The following TCF25 variants were observed in gnomAD, a reference collection of about 807,000 sequenced individuals.
TCF25 encodes the protein TCF25 ribosome quality control complex subunit, also known as ribosome quality control complex subunit TCF25.
TCF25 carries 41 observed loss-of-function variants against 83.1 expected under a neutral mutation model. The observed-to-expected ratio is 0.49, with a 90% CI of 0.38 to 0.64. The LOEUF is 0.64. Ranked by LOEUF, TCF25 falls within the 30% of genes least tolerant of loss-of-function variation. The pLI is 0.00. For synonymous variants in TCF25, 458 were observed against 365.0 expected, an observed-to-expected ratio of 1.25 and a Z score of -2.90; for missense variants, 979 against 914.5, an observed-to-expected ratio of 1.07 and a Z score of -0.91.
chr16:89,905,506 C>G (rs1402654565), intron 14 of TCF25, among the ~76,000 whole-genome samples: 1 of 152,250 alleles, frequency 6.6e-6, no homozygotes, highest in Non-Finnish European at 1.5e-5. Context: ...CTGCAACTGA[C>G]AGGCATCCCC....
At chr16:89,885,192 C>G (rs1275230176) in intron 3 of TCF25, among the ~76,000 whole-genome samples, 3 of 152,124 alleles carry the variant, frequency 2.0e-5, no homozygotes, top group African/African-American at 7.2e-5. Flanking sequence ...ATTTTTATTC[C>G]TTCCTATTAG....
intron 9 of TCF25, 60 bp from the exon 10 acceptor site, chr16:89,898,497 T>A: frequency 6.4e-7 from 1 of 1,568,816 alleles, no homozygotes; most frequent in East Asian, 2.2e-5. Context: ...GCCGGGGCGC[T>A]GAGCAGAGAG....
At chr16:89,876,377 A>C (rs2042190943) in intron 1 of TCF25, among the ~76,000 whole-genome samples, 1 of 152,228 alleles carries the variant, frequency 6.6e-6, no homozygotes, top group African/African-American at 2.4e-5. Flanking sequence ...AGTTACGACT[A>C]AATGGTTATG....
chr16:89,888,870 A>G (rs1435535411), intron 5 of TCF25, among the ~76,000 whole-genome samples: 2 of 123,030 alleles, frequency 1.6e-5, no homozygotes, highest in African/African-American at 6.5e-5. Context: ...TTTTTTTAGT[A>G]GAGACGGGGC....
At position 89,906,257 on chromosome 16, in the gene TCF25, C is replaced by G. The variant is rs373329727; in HGVS notation, c.1692C>G (p.Ile564Met). 1 of 1,613,304 alleles carries G rather than the reference C, an allele frequency of 6.2e-7. No individual in the cohort carries two copies. Among genetic ancestry groups the G allele is most frequent in the Admixed American group, 1.7e-5 (1 of 60,008 alleles). The change falls in exon 15 of 18, where the codon ATC becomes ATG. Residue 564 changes from isoleucine (I) to methionine (M), a missense_variant. Coordinates refer to ENST00000263346, the MANE Select transcript of TCF25 (RefSeq NM_014972.3). ...NIHRHVILSE[I>M]KEAVAALPPD... is the part of the protein sequence containing the mutation. ...ACCGCCATGTGATCCTCTCTGAGAT[C>G]AAGGAAGCCGTCGCTGCCCTGCCCC...
Position 89,883,363 on chromosome 16 carries a change from G to A in TCF25, c.205G>A (p.Asp69Asn), listed in dbSNP as rs747829535. The A allele has an allele frequency of 1.7e-5, 27 of 1,613,386 alleles. No individual in the cohort carries two copies. The highest frequency in any genetic ancestry group is 4.4e-5 in the South Asian group (4 of 91,046). ...CCTGTTTTTCCAGATAAACATTGAC[G>A]ATCTTGAGGATGACCCTGTGGTGAA... is the stretch of plus-strand genomic sequence containing the variant. ...NNRFELINID[D>N]LEDDPVVNGE... The change falls in exon 2 of 18, where the codon GAT becomes AAT. Residue 69 changes from aspartate to asparagine, a missense_variant. Coordinates refer to ENST00000263346, the MANE Select transcript of TCF25 (RefSeq NM_014972.3).
At chr16:89,908,612 GCTCCCAC>G (rs2045234588) in intron 16 of TCF25, among the ~76,000 whole-genome samples, 2 of 7,646 alleles carry the variant, frequency 2.6e-4, no homozygotes, top group African/African-American at 4.8e-4. Context: ...CCTCCTCCCA[GCTCCCAC>G]CTCCCAGCTC....
chr16:89,876,693 G>A (rs1037984320), intron 1 of TCF25, among the ~76,000 whole-genome samples: 1 of 152,084 alleles, frequency 6.6e-6, no homozygotes. Context: ...TTGGGAGGCC[G>A]ACGTGGGCGG....
At chr16:89,881,652 C>G (rs1430907312) in intron 1 of TCF25, among the ~76,000 whole-genome samples, 2 of 152,124 alleles carry the variant, frequency 1.3e-5, no homozygotes, top group African/African-American at 4.8e-5. Flanking sequence ...ACTGTATTGC[C>G]TAGGCTGGTT....
chr16:89,878,898 C>T (rs2042387656), intron 1 of TCF25, among the ~76,000 whole-genome samples: 1 of 152,240 alleles, frequency 6.6e-6, no homozygotes, highest in African/African-American at 2.4e-5. Context: ...ACCTCTGCCT[C>T]CCAAAGTGCT....
Position 89,873,622 on chromosome 16 carries a change from T to C in TCF25, c.-46T>C. 1.4e-6 allele frequency: 2 copies of C among 1,450,158 alleles called. No individual in the cohort carries two copies. The highest frequency in any genetic ancestry group is 1.4e-5 in the South Asian group (1 of 71,492). The allele number at this position is 1,450,158 out of a possible 1,614,324, so 89.8% of individuals were successfully genotyped here. A position where few individuals can be genotyped will look rare whatever the true frequency, so the allele number is the denominator to read the frequency against. On this transcript the variant is annotated 5_prime_UTR_variant, in exon 1 of 18. Transcript: ENST00000263346. ...CAGGCGCGCCGACAGCCGAGTTTTCTGCGCTTCCTTCTCCCTCTCTCCAGA... is the reference window on the plus strand; with the variant it reads ...CAGGCGCGCCGACAGCCGAGTTTTCCGCGCTTCCTTCTCCCTCTCTCCAGA...
intron 5 of TCF25, among the ~76,000 whole-genome samples, chr16:89,890,901 T>C (rs1353311275): frequency 1.3e-5 from 2 of 152,172 alleles, no homozygotes; most frequent in Non-Finnish European, 2.9e-5. Context: ...ACCAAAAGAC[T>C]TACATGGAGA....
rs1194943862 is a variant in TCF25, at chr16:89,906,291, G to C, written c.1719+7G>C. Reference sequence around the variant, plus strand: ...CGTCGCTGCCCTGCCCCCGGTAAGGGAGAAAGGCTGAAATGGGAGCTCTGT... The same window carrying C: ...CGTCGCTGCCCTGCCCCCGGTAAGGCAGAAAGGCTGAAATGGGAGCTCTGT... On this transcript the variant is annotated splice_region_variant and intron_variant, in intron 15 of 17. Coordinates refer to ENST00000263346, the MANE Select transcript of TCF25 (RefSeq NM_014972.3). The C allele has an allele frequency of 1.2e-6, 2 of 1,612,168 alleles. No homozygotes were observed. Among genetic ancestry groups the C allele is most frequent in the Non-Finnish European group, 1.7e-6 (2 of 1,179,684 alleles).
intron 15 of TCF25, 25 bp downstream of exon 15, chr16:89,906,309 A>C (rs1285929935): frequency 1.9e-6 from 3 of 1,608,332 alleles, no homozygotes; most frequent in Non-Finnish European, 2.5e-6. Context: ...CTGAAATGGG[A>C]GCTCTGTGTA....
intron 4 of TCF25, 92 bp downstream of exon 4, chr16:89,886,058 G>T: frequency 1.1e-6 from 1 of 935,078 alleles, no homozygotes. Flanking sequence ...CTCTGTGGCT[G>T]CCACAGAGAC....
At chr16:89,877,388 G>T (rs1193306626) in intron 1 of TCF25, among the ~76,000 whole-genome samples, 1 of 151,994 alleles carries the variant, frequency 6.6e-6, no homozygotes, top group Non-Finnish European at 1.5e-5. Context: ...AATTTTTTTT[G>T]AAAGCCAGTG....
chr16:89,907,968 GCTCCCAC>G (rs1250058735), intron 16 of TCF25, among the ~76,000 whole-genome samples: 1 of 53,634 alleles, frequency 1.9e-5, no homozygotes, highest in East Asian at 6.0e-4. Context: ...CCGCCGCCTA[GCTCCCAC>G]CTCCCAGCTC....
At chr16:89,887,443 C>A (rs767153462) in intron 4 of TCF25, among the ~76,000 whole-genome samples, 2 of 152,228 alleles carry the variant, frequency 1.3e-5, no homozygotes, top group Admixed American at 6.5e-5. Context: ...AGCGCCCTCA[C>A]GGCACAGTGA....
At chr16:89,892,032 C>T (rs1013820566) in intron 5 of TCF25, among the ~76,000 whole-genome samples, 161 bp from the exon 6 acceptor site, 1 of 152,140 alleles carries the variant, frequency 6.6e-6, no homozygotes, top group Non-Finnish European at 1.5e-5. Context: ...CAGTTGCTGA[C>T]GCTTGTTTGC....
Sources: allele counts gnomAD v4.1 joint callset (sites outside exome capture counted in the v4.1 genomes callset), GRCh38; gene constraint gnomAD v4.1.1; transcripts MANE v1.5; gene names NCBI Gene and HGNC (gene_info 2026-07-23, HGNC 2026-07-21).